The following SUCLG2 variants were observed in gnomAD, a reference collection of about 807,000 sequenced individuals.
The protein encoded by SUCLG2 is succinate--CoA ligase [GDP-forming] subunit beta, mitochondrial.
A neutral mutation model predicts 47.9 loss-of-function variants in SUCLG2; 42 were observed. The observed-to-expected ratio is 0.88, with a 90% confidence interval of 0.69 to 1.14. The LOEUF (loss-of-function observed/expected upper bound fraction) is 1.14. Ranked by LOEUF, SUCLG2 falls within the 50% of genes most tolerant of loss-of-function variation. The pLI, the probability that SUCLG2 is intolerant of heterozygous loss-of-function variation, is 0.00. For missense variants in SUCLG2, 571 were observed against 525.9 expected (o/e 1.09, Z -0.84); for synonymous variants, 195 against 197.3 (o/e 0.99, Z 0.10).
chr3:67,365,178 G>C (rs1214605621), intron 10 of SUCLG2, among the ~76,000 whole-genome samples: 1 of 152,180 alleles, frequency 6.6e-6, no homozygotes, highest in African/African-American at 2.4e-5. Flanking sequence ...TAACAGAAGA[G>C]CTAATATTTA....
intron 1 of SUCLG2, among the ~76,000 whole-genome samples, chr3:67,613,598 T>C (rs538576976): frequency 6.6e-6 from 1 of 152,222 alleles, no homozygotes; most frequent in African/African-American, 2.4e-5. Context: ...GATGGACATA[T>C]ACCAAGTGAC....
chr3:67,553,542 TCATTTA>T, intron 2 of SUCLG2, among the ~76,000 whole-genome samples: 1 of 152,308 alleles, frequency 6.6e-6, no homozygotes, highest in East Asian at 1.9e-4. Context: ...GTAATCAGTA[TCATTTA>T]CAAATTTAAT....
Position 67,626,024 on chromosome 3 carries a change from A to AT in SUCLG2, c.85-16429dup, listed in dbSNP as rs11329006. ...AGTAGCTACATATATATATATTTAC[A>AT]TTTTTTTTTTTTTTGAGATGAGTCT... On this transcript the variant is annotated intron_variant, in intron 1 of 10. Transcript: ENST00000307227. Among the ~76,000 whole-genome samples the AT allele has an allele frequency of 3.0e-3, 420 of 138,614 alleles. 2 individuals are homozygous for AT. Among genetic ancestry groups the AT allele is most frequent in the Middle Eastern group, 0.011 (3 of 264 alleles). 90.9% of individuals were successfully genotyped at this position (138,614 alleles called of 152,430 possible).
chr3:67,606,600 T>C (rs1024941089), intron 2 of SUCLG2, among the ~76,000 whole-genome samples: 2 of 152,214 alleles, frequency 1.3e-5, no homozygotes, highest in African/African-American at 4.8e-5. Context: ...TAACCTTTAC[T>C]GAGTCTATTA....
intron 2 of SUCLG2, among the ~76,000 whole-genome samples, chr3:67,552,505 G>T (rs1178576792): frequency 1.3e-5 from 2 of 152,200 alleles, no homozygotes; most frequent in Non-Finnish European, 2.9e-5. Context: ...AATACTGGCT[G>T]GTCTTAACTT....
At chr3:67,482,876 T>C (rs1704953280) in intron 9 of SUCLG2, among the ~76,000 whole-genome samples, 1 of 152,206 alleles carries the variant, frequency 6.6e-6, no homozygotes, top group Non-Finnish European at 1.5e-5. Flanking sequence ...TTCAGGCCTT[T>C]CAGTATTAGA....
chr3:67,582,870 C>T (rs756272825), intron 2 of SUCLG2, among the ~76,000 whole-genome samples: 2 of 150,654 alleles, frequency 1.3e-5, no homozygotes, highest in South Asian at 2.1e-4. Flanking sequence ...CCCTCCCCCA[C>T]CAAAAAAAAC....
chr3:67,530,046 C>CA (rs1553655752), intron 2 of SUCLG2, among the ~76,000 whole-genome samples: 1 of 152,178 alleles, frequency 6.6e-6, no homozygotes, highest in Non-Finnish European at 1.5e-5. Context: ...AAATAGCACA[C>CA]AACTGCAGAC....
At chr3:67,576,004 G>C (rs1707733403) in intron 2 of SUCLG2, among the ~76,000 whole-genome samples, 1 of 152,064 alleles carries the variant, frequency 6.6e-6, no homozygotes, top group Non-Finnish European at 1.5e-5. Context: ...CTCCATGCAG[G>C]GGCCTTGACT....
At chr3:67,382,878 C>A (rs1247715589) in intron 10 of SUCLG2, among the ~76,000 whole-genome samples, 3 of 152,190 alleles carry the variant, frequency 2.0e-5, no homozygotes, top group Non-Finnish European at 4.4e-5. Flanking sequence ...TCTAAAGCAG[C>A]AAATTCCTCC....
At chr3:67,453,353 G>A (rs972358273) in intron 9 of SUCLG2, among the ~76,000 whole-genome samples, 2 of 151,996 alleles carry the variant, frequency 1.3e-5, no homozygotes, top group East Asian at 3.9e-4. Flanking sequence ...CACAATCCAG[G>A]CACCAACAGA....
chr3:67,502,011 G>C (rs974863189), intron 7 of SUCLG2, among the ~76,000 whole-genome samples: 1 of 152,184 alleles, frequency 6.6e-6, no homozygotes, highest in African/African-American at 2.4e-5. Flanking sequence ...CACAAGGAGG[G>C]AGTCCTAAGA....
At chr3:67,584,023 A>G (rs1157763263) in intron 2 of SUCLG2, among the ~76,000 whole-genome samples, 6 of 152,198 alleles carry the variant, frequency 3.9e-5, no homozygotes, top group Non-Finnish European at 1.5e-5. Context: ...CTAGGGGTAA[A>G]AGTCTTGGGG....
intron 7 of SUCLG2, among the ~76,000 whole-genome samples, chr3:67,505,949 G>A (rs1705626157): frequency 6.6e-6 from 1 of 151,810 alleles, no homozygotes; most frequent in South Asian, 2.1e-4. Context: ...GCGACAGAGT[G>A]AGACCCTGTC....
chr3:67,504,598 T>G (rs1705588094), intron 7 of SUCLG2, among the ~76,000 whole-genome samples: 1 of 152,128 alleles, frequency 6.6e-6, no homozygotes, highest in African/African-American at 2.4e-5. Context: ...GGTGAGGTCG[T>G]TCTCTGTGAA....
chr3:67,470,863 TGC>T (rs1559538552), intron 9 of SUCLG2, among the ~76,000 whole-genome samples: 2 of 152,204 alleles, frequency 1.3e-5, no homozygotes, highest in Non-Finnish European at 2.9e-5. Context: ...AGATACCCAC[TGC>T]CATCCTTTCT....
intron 9 of SUCLG2, among the ~76,000 whole-genome samples, chr3:67,459,037 A>C (rs893188680): frequency 2.0e-5 from 3 of 152,182 alleles, no homozygotes; most frequent in Admixed American, 1.3e-4. Flanking sequence ...AATCTAATCT[A>C]TTCTAATTCA....
At chr3:67,599,504 T>C (rs1411576901) in intron 2 of SUCLG2, among the ~76,000 whole-genome samples, 3 of 152,212 alleles carry the variant, frequency 2.0e-5, no homozygotes, top group Non-Finnish European at 4.4e-5. Context: ...ATGTTTATGA[T>C]GCTAATGGAC....
chr3:67,501,899 T>TA (rs1466434638), intron 7 of SUCLG2, among the ~76,000 whole-genome samples: 2 of 152,014 alleles, frequency 1.3e-5, no homozygotes, highest in African/African-American at 2.4e-5. Flanking sequence ...ATATCCTTTA[T>TA]AAAAAAATAA....
Sources: allele counts gnomAD v4.1 joint callset (sites outside exome capture counted in the v4.1 genomes callset), GRCh38; gene constraint gnomAD v4.1.1; transcripts MANE v1.5; gene names NCBI Gene and HGNC (gene_info 2026-07-23, HGNC 2026-07-21).